EHF: variants seen among roughly 807,000 people sequenced by gnomAD.
EHF encodes ESE3 transcription factor.
Under a neutral mutation model 45.1 loss-of-function variants are expected in EHF, and 14 were observed. That is an observed-to-expected ratio of 0.31 (90% CI 0.21 to 0.49). The LOEUF (loss-of-function observed/expected upper bound fraction) is 0.49. EHF is among the 20% of genes least tolerant of loss of function. The pLI, the probability that EHF is intolerant of heterozygous loss-of-function variation, is 0.99. For synonymous variants in EHF, 136 were observed against 131.8 expected, an observed-to-expected ratio of 1.03 and a Z score of -0.22; for missense variants, 282 against 371.4, an observed-to-expected ratio of 0.76 and a Z score of 1.98.
At chr11:34,622,415 A>T in intron 1 of EHF, 1 of 1,285,442 alleles carries the variant, frequency 7.8e-7, no homozygotes, top group Non-Finnish European at 1.0e-6. Context: ...GCAGCCATGG[A>T]GGTAAAGATG....
At chr11:34,632,401 C>A in intron 1 of EHF, 1 of 1,350,034 alleles carries the variant, frequency 7.4e-7, no homozygotes, top group Non-Finnish European at 9.8e-7. Context: ...TAACAACCTG[C>A]TCCTGACCCT....
At chr11:34,653,008 G>A (rs559584848) in intron 6 of EHF, among the ~76,000 whole-genome samples, 5 of 152,286 alleles carry the variant, frequency 3.3e-5, no homozygotes, top group Admixed American at 3.3e-4. Flanking sequence ...TATTCTGGGG[G>A]AACTGAGCCA....
At position 34,651,889 on chromosome 11, in the gene EHF, C is replaced by A. The variant is rs569592357; in HGVS notation, c.544+84C>A. ...AATTACCAACACTCTACATTTCTGC[C>A]TTTCTGGAGTCTTTCTAATTAAAGG... is the stretch of plus-strand genomic sequence containing the variant. On this transcript the variant is annotated intron_variant, in intron 6 of 8. Transcript: ENST00000257831. 109 of 1,322,224 alleles carry A rather than the reference C, an allele frequency of 8.2e-5. No individual in the cohort carries two copies. In the African/African-American group the frequency reaches 1.1e-3, roughly 14 times the overall value. 81.9% of individuals were successfully genotyped at this position (1,322,224 alleles called of 1,614,324 possible).
chr11:34,645,824 T>G (rs963488601), intron 2 of EHF, among the ~76,000 whole-genome samples: 3 of 152,140 alleles, frequency 2.0e-5, no homozygotes, highest in African/African-American at 7.2e-5. Flanking sequence ...ATACCTAATT[T>G]CAGTGGGTGA....
intron 4 of EHF, 104 bp from the exon 5 acceptor site, chr11:34,651,438 C>A: frequency 1.1e-6 from 1 of 897,562 alleles, no homozygotes; most frequent in Non-Finnish European, 1.8e-6. Context: ...GAGGACCACT[C>A]CTCACCCCCC....
chr11:34,621,577 A>G (rs540781310), intron 1 of EHF, among the ~76,000 whole-genome samples: 1 of 152,314 alleles, frequency 6.6e-6, no homozygotes, highest in Admixed American at 6.5e-5. Flanking sequence ...GGTGGCTCTG[A>G]TATAGCTCAG....
Position 34,659,920 on chromosome 11 carries a change from C to G in EHF, c.*989C>G, listed in dbSNP as rs1267843810. 1 of 152,070 alleles carries G rather than the reference C, an allele frequency of 6.6e-6. No individual in the cohort carries two copies. Among genetic ancestry groups the G allele is most frequent in the Non-Finnish European group, 1.5e-5 (1 of 68,020 alleles). 9.4% of individuals were successfully genotyped at this position (152,070 alleles called of 1,614,324 possible). On this transcript the variant is annotated 3_prime_UTR_variant, in exon 9 of 9. Transcript: ENST00000257831. Reference sequence around the variant, plus strand: ...CTCTAACCACTTGACACCAGAAACCCCCCAGCTGTGATAACGCAAAATGTC... The same window carrying G: ...CTCTAACCACTTGACACCAGAAACCGCCCAGCTGTGATAACGCAAAATGTC...
rs1226871830 is a variant in EHF, at chr11:34,662,719, A to T, written c.*3788A>T. On this transcript the variant is annotated 3_prime_UTR_variant, in exon 9 of 9. Transcript: ENST00000257831. Reference sequence around the variant, plus strand: ...AAAACAGTTAAGAAGGAAGGCAATTATATTATTCTTCTGTAGTTAAGCAAA... The same window carrying T: ...AAAACAGTTAAGAAGGAAGGCAATTTTATTATTCTTCTGTAGTTAAGCAAA... 1.3e-5 allele frequency among the ~76,000 whole-genome samples: 2 copies of T among 152,160 alleles called. No individual in the cohort carries two copies. Among genetic ancestry groups the T allele is most frequent in the African/African-American group, 4.8e-5 (2 of 41,460 alleles).
chr11:34,642,452 T>A, intron 1 of EHF, 176 bp from the exon 2 acceptor site: 2 of 529,490 alleles, frequency 3.8e-6, no homozygotes, highest in South Asian at 5.1e-5. Context: ...AACCTGGAAA[T>A]TTTTAATTGC....
intron 1 of EHF, chr11:34,624,206 G>C: frequency 1.1e-6 from 1 of 872,482 alleles, no homozygotes; most frequent in Non-Finnish European, 1.4e-6. Context: ...TTGTGGGTGG[G>C]GCCCTGGTTG....
intron 2 of EHF, among the ~76,000 whole-genome samples, chr11:34,643,768 G>A (rs1294871173): frequency 6.6e-6 from 1 of 152,154 alleles, no homozygotes; most frequent in African/African-American, 2.4e-5. Flanking sequence ...ACCCTGTGAG[G>A]ACCCAGAAAG....
chr11:34,633,678 G>A (rs949320693), intron 1 of EHF, among the ~76,000 whole-genome samples: 3 of 152,116 alleles, frequency 2.0e-5, no homozygotes, highest in African/African-American at 4.8e-5. Context: ...GAAGAGGAGA[G>A]TCAAAGTTTC....
intron 1 of EHF, among the ~76,000 whole-genome samples, chr11:34,625,028 G>C (rs895087849): frequency 6.6e-6 from 1 of 152,122 alleles, no homozygotes; most frequent in Non-Finnish European, 1.5e-5. Context: ...GTGATTGGGG[G>C]TGGTGGGAGT....
At position 34,656,963 on chromosome 11, in the gene EHF, A is replaced by G. The variant is rs760933719; in HGVS notation, c.600A>G (p.Lys200=). The G allele has an allele frequency of 1.9e-6, 3 of 1,613,432 alleles. No individual in the cohort carries two copies. The highest frequency in any genetic ancestry group is 2.2e-5 in the East Asian group (1 of 44,784). ...ACCCCCCTGCCAAGTGCCACACCAA[A>G]AAGCACAGTAAGTTGGCTGGCTTTC... ...EQDPPAKCHT[K]KHNPRGTHLW... Residue 200 remains lysine (K), a synonymous_variant, in exon 7 of 9, where the codon AAA becomes AAG. Coordinates refer to ENST00000257831, the MANE Select transcript of EHF (RefSeq NM_012153.6).
chr11:34,658,999 G>T lies in EHF; in HGVS notation c.*68G>T. ...AATCAGAAACAAAGAACTCCTGGAC[G>T]TAAATATTTCAAAGACTACTTTTCT... On this transcript the variant is annotated 3_prime_UTR_variant, in exon 9 of 9. Coordinates refer to ENST00000257831, the MANE Select transcript of EHF (RefSeq NM_012153.6). 1.6e-6 allele frequency: 2 copies of T among 1,237,028 alleles called. No homozygotes were observed. The highest frequency in any genetic ancestry group is 2.3e-6 in the Non-Finnish European group (2 of 881,230). The allele number at this position is 1,237,028 out of a possible 1,614,324, so 76.6% of individuals were successfully genotyped here. A position where few individuals can be genotyped will look rare whatever the true frequency, so the allele number is the denominator to read the frequency against.
At chr11:34,625,477 C>T (rs1312381285) in intron 1 of EHF, among the ~76,000 whole-genome samples, 1 of 152,156 alleles carries the variant, frequency 6.6e-6, no homozygotes, top group African/African-American at 2.4e-5. Context: ...ACTGATTATC[C>T]ATGACTTACT....
chr11:34,632,216 C>T (rs1852958316), intron 1 of EHF, among the ~76,000 whole-genome samples: 1 of 152,180 alleles, frequency 6.6e-6, no homozygotes, highest in South Asian at 2.1e-4. Flanking sequence ...TATTTTCCTA[C>T]AAATCAATGC....
At chr11:34,636,335 T>C (rs1157264205) in intron 1 of EHF, among the ~76,000 whole-genome samples, 1 of 152,152 alleles carries the variant, frequency 6.6e-6, no homozygotes, top group Non-Finnish European at 1.5e-5. Flanking sequence ...CATTAGGAAA[T>C]TGGCAAAGCC....
intron 2 of EHF, among the ~76,000 whole-genome samples, chr11:34,644,728 T>C (rs943482511): frequency 1.3e-5 from 2 of 152,222 alleles, no homozygotes; most frequent in Non-Finnish European, 2.9e-5. Context: ...GGCTGGACCA[T>C]GGGCATTATG....
Sources: gnomAD v4.1 joint callset for allele counts (sites outside exome capture counted in the v4.1 genomes callset) on GRCh38, gnomAD v4.1.1 for gene constraint, MANE v1.5 for transcripts, NCBI Gene and HGNC (gene_info 2026-07-23, HGNC 2026-07-21) for gene names.